The following ZC3HC1 variants were observed in gnomAD, a reference collection of about 807,000 sequenced individuals.
The protein encoded by ZC3HC1 is zinc finger C3HC-type protein 1.
Under a neutral mutation model 61.9 loss-of-function variants are expected in ZC3HC1, and 38 were observed. The ratio of observed to expected loss-of-function variants is 0.61; its 90% CI spans 0.47 to 0.81. ZC3HC1 has a LOEUF of 0.81. Among genes scored for constraint, ZC3HC1 ranks in the 30% least tolerant of loss-of-function variants. ZC3HC1 has a pLI of 0.00. For synonymous variants in ZC3HC1, 213 were observed against 229.9 expected (o/e 0.93, Z 0.67); for missense variants, 554 against 622.7 (o/e 0.89, Z 1.17).
rs1215026339 is a variant in ZC3HC1, at chr7:130,018,627, T to C, written c.*37A>G. Reference sequence around the variant, plus strand: ...GCCTTAATTTTTCAAAAAGTCACTCTCATTCCAGCTATCTCCAGGAAGGCG... The same window carrying C: ...GCCTTAATTTTTCAAAAAGTCACTCCCATTCCAGCTATCTCCAGGAAGGCG... On this transcript the variant is annotated 3_prime_UTR_variant, in exon 10 of 10. Transcript: ENST00000358303. The C allele has an allele frequency of 6.4e-7, 1 of 1,564,834 alleles. No individual in the cohort carries two copies. Among genetic ancestry groups the C allele is most frequent in the East Asian group, 2.3e-5 (1 of 44,080 alleles).
chr7:130,021,561 A>AGAGTAAAGTAATGTGCCCAGCT (rs1793641570), intron 9 of ZC3HC1, among the ~76,000 whole-genome samples: 1 of 152,190 alleles, frequency 6.6e-6, no homozygotes, highest in Non-Finnish European at 1.5e-5. Context: ...GCTGTGGAAC[A>AGAGTAAAGTAATGTGCCCAGCT]GAGTAAAGTA....
chr7:130,045,895 A>C (rs1794845547), intron 2 of ZC3HC1, among the ~76,000 whole-genome samples: 1 of 151,240 alleles, frequency 6.6e-6, no homozygotes, highest in South Asian at 2.1e-4. Flanking sequence ...CATCTCAAAA[A>C]AAAAAAAAAA....
At chr7:130,019,369 G>T (rs1381072266) in intron 9 of ZC3HC1, among the ~76,000 whole-genome samples, 4 of 152,116 alleles carry the variant, frequency 2.6e-5, no homozygotes, top group Non-Finnish European at 1.5e-5. Context: ...TTTCATTCAT[G>T]ATGCTGAATT....
At position 130,023,797 on chromosome 7, in the gene ZC3HC1, ATCTTTTT is replaced by A; in HGVS notation, c.1021-81_1021-75del. On this transcript the variant is annotated intron_variant, in intron 7 of 9. Coordinates refer to ENST00000358303, the MANE Select transcript of ZC3HC1 (RefSeq NM_016478.5). The surrounding 1 kb of genome is among the most constrained non-coding windows in gnomAD (Gnocchi z 4.2). Reference sequence around the variant, plus strand: ...ATGGTCAGAAATACTTCTTTCTTTAATCTTTTTTCTTTTTTTTTTTGAGACAGAGTCT... The same window carrying A: ...ATGGTCAGAAATACTTCTTTCTTTAATCTTTTTTTTTTTGAGACAGAGTCT... The A allele has an allele frequency of 2.3e-6, 3 of 1,313,162 alleles. No homozygotes were observed. The highest frequency in any genetic ancestry group is 2.1e-6 in the Non-Finnish European group (2 of 955,714). 81.3% of individuals were successfully genotyped at this position (1,313,162 alleles called of 1,614,324 possible).
chr7:130,024,259 A>C lies in ZC3HC1; in HGVS notation c.1020+4T>G. On this transcript the variant is annotated splice_donor_region_variant and intron_variant, in intron 7 of 9. Coordinates refer to ENST00000358303, the MANE Select transcript of ZC3HC1 (RefSeq NM_016478.5). ...ATTCCACCCCAAATAAGCTAAGTGA[A>C]TACCTGCTCTGAGCCTGGGGAGAAA... 1 of 1,592,206 alleles carries C rather than the reference A, an allele frequency of 6.3e-7. No homozygotes were observed. Among genetic ancestry groups the C allele is most frequent in the Non-Finnish European group, 8.6e-7 (1 of 1,168,366 alleles).
intron 1 of ZC3HC1, 92 bp downstream of exon 1, chr7:130,051,129 C>T: frequency 6.7e-7 from 1 of 1,485,026 alleles, no homozygotes. Flanking sequence ...CCCGAGTCGC[C>T]GACCGAGGGG....
At position 130,023,126 on chromosome 7, in the gene ZC3HC1, G is replaced by A. The variant is rs1418564016; in HGVS notation, c.1233+385C>T. On this transcript the variant is annotated intron_variant, in intron 8 of 9. Transcript: ENST00000358303. This position sits in a 1 kb window ranked among gnomAD's most constrained non-coding sequence, Gnocchi z 4.2. ...ACAATATAATAATAATAGAAATAAA[G>A]TACACAATACATGTAATGTGCTCGT... The A allele has an allele frequency of 5.5e-6, 1 of 180,616 alleles. No homozygotes were observed. The highest frequency in any genetic ancestry group is 2.4e-5 in the African/African-American group (1 of 42,098). The allele number at this position is 180,616 out of a possible 1,614,324, so 11.2% of individuals were successfully genotyped here.
At chr7:130,048,868 A>C (rs1794965932) in intron 2 of ZC3HC1, 165 bp downstream of exon 2, 1 of 453,492 alleles carries the variant, frequency 2.2e-6, no homozygotes, top group Non-Finnish European at 3.7e-6. Context: ...AGATAACCTC[A>C]ACTGTCCCTC....
chr7:130,042,437 T>C (rs1264347289), intron 2 of ZC3HC1, among the ~76,000 whole-genome samples: 1 of 151,970 alleles, frequency 6.6e-6, no homozygotes, highest in African/African-American at 2.4e-5. Context: ...CAATAAGAGA[T>C]AGTCAAAGTT....
chr7:130,033,795 C>A (rs910989990), intron 4 of ZC3HC1, among the ~76,000 whole-genome samples: 2 of 152,138 alleles, frequency 1.3e-5, no homozygotes, highest in Admixed American at 6.6e-5. Context: ...CTAGCAACAA[C>A]AGGATATTCT....
chr7:130,020,697 A>G (rs1399989104), intron 9 of ZC3HC1, among the ~76,000 whole-genome samples: 3 of 152,174 alleles, frequency 2.0e-5, no homozygotes, highest in East Asian at 1.9e-4. Flanking sequence ...TCCAGGGCCA[A>G]TTATGAGGCC....
intron 6 of ZC3HC1, 53 bp from the exon 7 acceptor site, chr7:130,024,559 C>A: frequency 6.4e-7 from 1 of 1,558,516 alleles, no homozygotes; most frequent in Non-Finnish European, 8.7e-7. Context: ...TTCCAAATGA[C>A]TAAGTGCAAT....
chr7:130,023,446 G>T lies in ZC3HC1; in HGVS notation c.1233+65C>A. 1 of 1,497,004 alleles carries T rather than the reference G, an allele frequency of 6.7e-7. No homozygotes were observed. Among genetic ancestry groups the T allele is most frequent in the Non-Finnish European group, 9.2e-7 (1 of 1,091,872 alleles). The allele number at this position is 1,497,004 out of a possible 1,614,324, so 92.7% of individuals were successfully genotyped here. ...GAAGGGCTCCTGCCTGCTTCTCCATGCTGCCTAGGGAGGGCCCAATATGCT... is the reference window on the plus strand; with the variant it reads ...GAAGGGCTCCTGCCTGCTTCTCCATTCTGCCTAGGGAGGGCCCAATATGCT... On this transcript the variant is annotated intron_variant, in intron 8 of 9. Coordinates refer to ENST00000358303, the MANE Select transcript of ZC3HC1 (RefSeq NM_016478.5). This position sits in a 1 kb window ranked among gnomAD's most constrained non-coding sequence, Gnocchi z 4.2.
rs1178274176 is a variant in ZC3HC1, at chr7:130,048,995, G to C, written c.258+38C>G. The C allele has an allele frequency of 2.0e-6, 3 of 1,501,794 alleles. No individual in the cohort carries two copies. In the Admixed American group the frequency reaches 5.8e-5, roughly 29 times the overall value. 93.0% of individuals were successfully genotyped at this position (1,501,794 alleles called of 1,614,324 possible). Reference sequence around the variant, plus strand: ...ATACCTTGGAGGAATTCTAGAAGCAGGCAGAAAGTGCAATTCACATGAACT... The same window carrying C: ...ATACCTTGGAGGAATTCTAGAAGCACGCAGAAAGTGCAATTCACATGAACT... On this transcript the variant is annotated intron_variant, in intron 2 of 9. Transcript: ENST00000358303.
chr7:130,033,176 G>C (rs1489879363), intron 4 of ZC3HC1, among the ~76,000 whole-genome samples: 1 of 152,066 alleles, frequency 6.6e-6, no homozygotes, highest in Non-Finnish European at 1.5e-5. Context: ...GGGAACACAG[G>C]TATGCGTAAC....
At chr7:130,039,988 G>A (rs559719255) in intron 3 of ZC3HC1, among the ~76,000 whole-genome samples, 2 of 151,316 alleles carry the variant, frequency 1.3e-5, no homozygotes, top group East Asian at 4.0e-4. Flanking sequence ...CCAAAATGCT[G>A]GGATTACACA....
chr7:130,031,713 A>C (rs1794203698), intron 4 of ZC3HC1, among the ~76,000 whole-genome samples: 1 of 152,152 alleles, frequency 6.6e-6, no homozygotes, highest in South Asian at 2.1e-4. Context: ...AGAGCTATAC[A>C]CATGCCCAGC....
rs1205519438 is a variant in ZC3HC1, at chr7:130,023,573, C to T, written c.1171G>A (p.Glu391Lys). ...SMGTGDTPGL[E>K]VPSSPLRKAK... ...TTCCGCAGAGGGCTAGATGGTACCT[C>T]CAGGCCAGGGGTGTCTCCTGTTCCC... Residue 391 changes from glutamate to lysine, a missense_variant, in exon 8 of 10, where the codon GAG (glutamate) becomes AAG (lysine). By Grantham distance (56) the Glu-to-Lys change is moderately conservative. Transcript: ENST00000358303. The surrounding 1 kb of genome is among the most constrained non-coding windows in gnomAD (Gnocchi z 4.2). The T allele has an allele frequency of 6.2e-7, 1 of 1,614,142 alleles. No individual in the cohort carries two copies. The highest frequency in any genetic ancestry group is 8.5e-7 in the Non-Finnish European group (1 of 1,180,032).
Position 130,018,317 on chromosome 7 carries a change from C to T in ZC3HC1, c.*347G>A, listed in dbSNP as rs1045665991. 2.0e-5 allele frequency: 4 copies of T among 202,156 alleles called. No individual in the cohort carries two copies. Among genetic ancestry groups the T allele is most frequent in the Non-Finnish European group, 2.0e-5 (2 of 101,562 alleles). The allele number at this position is 202,156 out of a possible 1,614,324, so 12.5% of individuals were successfully genotyped here. On this transcript the variant is annotated 3_prime_UTR_variant, in exon 10 of 10. Coordinates refer to ENST00000358303, the MANE Select transcript of ZC3HC1 (RefSeq NM_016478.5). ...TCTTAGCAAATATTTTATTAATACA[C>T]ACTGTCATAGTCCTAGGATAGAAGA...
Sources: gnomAD v4.1 joint callset for allele counts (sites outside exome capture counted in the v4.1 genomes callset) on GRCh38, gnomAD v4.1.1 for gene constraint, Gnocchi (gnomAD v3.1) non-coding constraint, MANE v1.5 for transcripts, NCBI Gene and HGNC (gene_info 2026-07-23, HGNC 2026-07-21) for gene names.